Variants in BACH2 observed in about 807,000 individuals in gnomAD.
BACH2 encodes transcription regulator protein BACH2.
BACH2 carries 5 observed loss-of-function variants against 61.8 expected under a neutral mutation model. The ratio of observed to expected loss-of-function variants is 0.08; its 90% CI spans 0.04 to 0.17. The LOEUF (loss-of-function observed/expected upper bound fraction) is 0.17, where lower values mean the gene tolerates loss of function less well. Among genes scored for constraint, BACH2 ranks in the 10% least tolerant of loss-of-function variants. The pLI is 1.00. For missense variants in BACH2, 824 were observed against 1,091.1 expected, an observed-to-expected ratio of 0.76 and a Z score of 3.45; for synonymous variants, 446 against 440.1, an observed-to-expected ratio of 1.01 and a Z score of -0.17.
intron 3 of BACH2, among the ~76,000 whole-genome samples, chr6:90,251,014 T>C (rs1770790159): frequency 6.6e-6 from 1 of 152,232 alleles, no homozygotes; most frequent in African/African-American, 2.4e-5. Context: ...AGAGCTGAGA[T>C]ATAGGCCCAA....
intron 5 of BACH2, among the ~76,000 whole-genome samples, chr6:90,036,116 T>C (rs553258642): frequency 3.6e-4 from 54 of 151,752 alleles, no homozygotes; most frequent in Non-Finnish European, 5.7e-4. Flanking sequence ...TGGGTTTCCT[T>C]TGAGTCACAA....
intron 5 of BACH2, among the ~76,000 whole-genome samples, chr6:90,058,569 A>G (rs960849654): frequency 6.6e-6 from 1 of 152,166 alleles, no homozygotes; most frequent in African/African-American, 2.4e-5. Context: ...TATAGATTCA[A>G]TGCCATCCCC....
chr6:90,239,597 T>G (rs1770369836), intron 3 of BACH2, among the ~76,000 whole-genome samples: 1 of 152,226 alleles, frequency 6.6e-6, no homozygotes, highest in Admixed American at 6.5e-5. Flanking sequence ...TTTAATAATC[T>G]CTGGCAATAT....
chr6:90,150,888 C>T (rs889748672), intron 4 of BACH2, among the ~76,000 whole-genome samples: 5 of 152,234 alleles, frequency 3.3e-5, no homozygotes, highest in Admixed American at 1.3e-4. Flanking sequence ...AGTCAGTCAG[C>T]GGTGTTGCCT....
intron 4 of BACH2, among the ~76,000 whole-genome samples, chr6:90,179,810 C>T (rs1768098481): frequency 6.6e-6 from 1 of 152,134 alleles, no homozygotes; most frequent in Admixed American, 6.5e-5. Context: ...CAATCCCACT[C>T]CTGGGAACCA....
intron 4 of BACH2, among the ~76,000 whole-genome samples, chr6:90,112,193 C>G (rs1429663287): frequency 1.3e-5 from 2 of 152,172 alleles, no homozygotes; most frequent in Non-Finnish European, 2.9e-5. Flanking sequence ...CTTCTCCAGG[C>G]CATCTTCTGC....
intron 2 of BACH2, among the ~76,000 whole-genome samples, chr6:90,269,229 C>T (rs1771443644): frequency 1.3e-5 from 2 of 151,952 alleles, no homozygotes; most frequent in African/African-American, 4.8e-5. Context: ...GTTTCACCTA[C>T]CAATATTCTA....
intron 6 of BACH2, among the ~76,000 whole-genome samples, chr6:89,966,610 C>A (rs1356488819): frequency 6.6e-6 from 1 of 152,214 alleles, no homozygotes; most frequent in African/African-American, 2.4e-5. Context: ...TGCTTCTTAA[C>A]TGAGTTTGAA....
chr6:90,115,963 G>A (rs1447960956), intron 4 of BACH2, among the ~76,000 whole-genome samples: 1 of 151,970 alleles, frequency 6.6e-6, no homozygotes, highest in Non-Finnish European at 1.5e-5. Flanking sequence ...AACCACAAGA[G>A]ACCATCTCAC....
intron 1 of BACH2, among the ~76,000 whole-genome samples, chr6:90,278,901 G>C (rs1771773895): frequency 6.6e-6 from 1 of 151,540 alleles, no homozygotes; most frequent in Non-Finnish European, 1.5e-5. Context: ...ACATTAAAAA[G>C]TAAAAAGGAA....
At chr6:89,964,298 G>A (rs1774927946) in intron 6 of BACH2, among the ~76,000 whole-genome samples, 2 of 151,674 alleles carry the variant, frequency 1.3e-5, no homozygotes, top group African/African-American at 4.8e-5. Flanking sequence ...AAAAGAGGGG[G>A]AGTTGTTTAA....
chr6:90,216,146 T>G, intron 3 of BACH2, among the ~76,000 whole-genome samples: 1 of 152,170 alleles, frequency 6.6e-6, no homozygotes, highest in East Asian at 1.9e-4. Context: ...CAGAAAGCAG[T>G]TCCAGCAGCT....
At chr6:89,991,482 C>A (rs1178211054) in intron 6 of BACH2, among the ~76,000 whole-genome samples, 1 of 150,808 alleles carries the variant, frequency 6.6e-6, no homozygotes, top group East Asian at 1.9e-4. Context: ...CGCGCATGCA[C>A]ACACACACAC....
chr6:90,063,795 T>C (rs912611386), intron 5 of BACH2, among the ~76,000 whole-genome samples: 24 of 152,220 alleles, frequency 1.6e-4, no homozygotes, highest in African/African-American at 5.8e-4. Context: ...TCTAATTGGA[T>C]ACCGATAGAT....
At chr6:90,099,289 G>T (rs1190322612) in intron 4 of BACH2, among the ~76,000 whole-genome samples, 1 of 152,206 alleles carries the variant, frequency 6.6e-6, no homozygotes, top group Non-Finnish European at 1.5e-5. Flanking sequence ...CCCAGGTCTA[G>T]TCCCAACATA....
chr6:90,099,129 A>G (rs1289135401), intron 4 of BACH2, among the ~76,000 whole-genome samples: 2 of 151,916 alleles, frequency 1.3e-5, no homozygotes, highest in African/African-American at 4.8e-5. Flanking sequence ...CCAAAAGCAT[A>G]CTTCAGCCTT....
intron 4 of BACH2, among the ~76,000 whole-genome samples, chr6:90,172,968 A>T (rs1000180485): frequency 1.1e-4 from 16 of 152,164 alleles, no homozygotes; most frequent in African/African-American, 3.4e-4. Context: ...CTCTAAGGTT[A>T]CTGAACTGTT....
At chr6:90,254,959 G>A (rs1770930166) in intron 2 of BACH2, among the ~76,000 whole-genome samples, 1 of 152,096 alleles carries the variant, frequency 6.6e-6, no homozygotes, top group African/African-American at 2.4e-5. Context: ...TCCAAAATAA[G>A]TCAAGATTGT....
intron 6 of BACH2, among the ~76,000 whole-genome samples, chr6:89,960,070 C>G (rs1403141574): frequency 6.6e-6 from 1 of 152,208 alleles, no homozygotes; most frequent in Non-Finnish European, 1.5e-5. Context: ...ACCCGCCCCT[C>G]CACCATGCTC....
Sources: gnomAD v4.1 joint callset for allele counts (sites outside exome capture counted in the v4.1 genomes callset) on GRCh38, gnomAD v4.1.1 for gene constraint, MANE v1.5 for transcripts, NCBI Gene and HGNC (gene_info 2026-07-23, HGNC 2026-07-21) for gene names.